The following H1-2 variants were observed in gnomAD, a reference collection of about 807,000 sequenced individuals.
The protein encoded by H1-2 is H1.2 linker histone, cluster member.
A neutral mutation model predicts 7.2 loss-of-function variants in H1-2; 7 were observed. That is an observed-to-expected ratio of 0.97 (90% CI 0.55 to 1.82). The LOEUF (loss-of-function observed/expected upper bound fraction) is 1.82, where lower values mean the gene tolerates loss of function less well. Ranked by LOEUF, H1-2 falls within the 40% of genes most tolerant of loss-of-function variation. The probability of loss-of-function intolerance (pLI) is 0.00; values close to 1 mark genes in which losing one functional copy is unlikely to be tolerated. For synonymous variants in H1-2, 300 were observed against 118.2 expected (o/e 2.54, Z -9.98); for missense variants, 703 against 276.6 (o/e 2.54, Z -10.94).
Position 26,056,424 on chromosome 6 carries a change from G to C in H1-2, c.5C>G (p.Ser2Cys), listed in dbSNP as rs778314704. ...AGCGGGAGCGGCAGGAGCAGTCTCGGACATGTTGAGAATCAAAAACTCGGG... is the reference window on the plus strand; with the variant it reads ...AGCGGGAGCGGCAGGAGCAGTCTCGCACATGTTGAGAATCAAAAACTCGGG... M[S>C]ETAPAAPAAA... Residue 2 changes from serine (S) to cysteine (C), a missense_variant, in exon 1 of 1, where the codon TCC (serine) becomes TGC (cysteine). Coordinates refer to ENST00000343677, the MANE Select transcript of H1-2 (RefSeq NM_005319.4). The C allele has an allele frequency of 3.8e-6, 6 of 1,571,320 alleles. No homozygotes were observed. Among genetic ancestry groups the C allele is most frequent in the Non-Finnish European group, 5.2e-6 (6 of 1,163,182 alleles).
rs545878823 is a variant in H1-2, at chr6:26,055,929, G to A, written c.500C>T (p.Thr167Ile). 7.4e-6 allele frequency: 12 copies of A among 1,614,134 alleles called. No individual in the cohort carries two copies. Among genetic ancestry groups the A allele is most frequent in the East Asian group, 2.2e-5 (1 of 44,872 alleles). ...KAKKPAAATV[T>I]KKVAKSPKKA... Reference sequence around the variant, plus strand: ...CTTTGGGCTCTTAGCCACTTTCTTGGTTACAGTGGCCGCGGCCGGCTTCTT... The same window carrying A: ...CTTTGGGCTCTTAGCCACTTTCTTGATTACAGTGGCCGCGGCCGGCTTCTT... The change falls in exon 1 of 1, where the codon ACC becomes ATC. Residue 167 changes from threonine (T) to isoleucine (I), a missense_variant. Physicochemically the swap from Thr to Ile is moderately conservative, Grantham distance 89. Coordinates refer to ENST00000343677, the MANE Select transcript of H1-2 (RefSeq NM_005319.4).
chr6:26,055,937 G>A lies in H1-2; in HGVS notation c.492C>T (p.Ala164=), dbSNP rs1581645151. ...TCTTAGCCACTTTCTTGGTTACAGTGGCCGCGGCCGGCTTCTTCGCTTTCT... is the reference window on the plus strand; with the variant it reads ...TCTTAGCCACTTTCTTGGTTACAGTAGCCGCGGCCGGCTTCTTCGCTTTCT... The part of the protein sequence containing the change: ...TPKKAKKPAA[A]TVTKKVAKSP... The change falls in exon 1 of 1, where the codon GCC becomes GCT. Residue 164 remains alanine, a synonymous_variant. Coordinates refer to ENST00000343677, the MANE Select transcript of H1-2 (RefSeq NM_005319.4). 3 of 1,614,114 alleles carry A rather than the reference G, an allele frequency of 1.9e-6. No individual in the cohort carries two copies. Among genetic ancestry groups the A allele is most frequent in the Non-Finnish European group, 2.5e-6 (3 of 1,180,018 alleles).
Position 26,055,926 on chromosome 6 carries a change from T to C in H1-2, c.503A>G (p.Lys168Arg), listed in dbSNP as rs1462256953. 3 of 1,614,188 alleles carry C rather than the reference T, an allele frequency of 1.9e-6. No individual in the cohort carries two copies. Among genetic ancestry groups the C allele is most frequent in the East Asian group, 2.2e-5 (1 of 44,878 alleles). The change falls in exon 1 of 1, where the codon AAG (lysine) becomes AGG (arginine). Residue 168 changes from lysine to arginine, a missense_variant. By Grantham distance (26) the Lys-to-Arg change is conservative (BLOSUM62 2). Coordinates refer to ENST00000343677, the MANE Select transcript of H1-2 (RefSeq NM_005319.4). ...AKKPAAATVTKKVAKSPKKAK... is the reference protein window; with the variant it reads ...AKKPAAATVTRKVAKSPKKAK... ...CTTCTTTGGGCTCTTAGCCACTTTC[T>C]TGGTTACAGTGGCCGCGGCCGGCTT...
rs201295771 is a variant in H1-2, at chr6:26,056,121, C to A, written c.308G>T (p.Gly103Val). The A allele has an allele frequency of 6.2e-7, 1 of 1,614,218 alleles. No individual in the cohort carries two copies. The highest frequency in any genetic ancestry group is 1.1e-5 in the South Asian group (1 of 91,076). Reference protein sequence around the residue: ...LVQTKGTGASGSFKLNKKAAS... With the variant: ...LVQTKGTGASVSFKLNKKAAS... Reference sequence around the variant, plus strand: ...TGCCTTCTTGTTGAGTTTAAAGGAGCCAGAAGCACCGGTGCCTTTCGTTTG... The same window carrying A: ...TGCCTTCTTGTTGAGTTTAAAGGAGACAGAAGCACCGGTGCCTTTCGTTTG... The change falls in exon 1 of 1, where the codon GGC becomes GTC. Residue 103 changes from glycine (G) to valine (V), a missense_variant. Coordinates refer to ENST00000343677, the MANE Select transcript of H1-2 (RefSeq NM_005319.4).
chr6:26,056,422 CGGACATGTTGAGAATCAA>C lies in H1-2; in HGVS notation c.-12_6del. The C allele has an allele frequency of 2.5e-6, 4 of 1,581,530 alleles. No homozygotes were observed. The highest frequency in any genetic ancestry group is 3.4e-6 in the Non-Finnish European group (4 of 1,167,262). ...GCAGCGGGAGCGGCAGGAGCAGTCT[CGGACATGTTGAGAATCAA>C]AAACTCGGGTACAAGTGGCAAAGCG... On this transcript the variant is annotated start_lost and 5_prime_UTR_variant, in exon 1 of 1. Transcript: ENST00000343677.
In H1-2 at chr6:26,056,129, A is replaced by AC; in HGVS notation, c.299dup (p.Ala101CysfsTer6). The AC allele has an allele frequency of 1.2e-6, 2 of 1,614,236 alleles. No individual in the cohort carries two copies. The highest frequency in any genetic ancestry group is 8.5e-7 in the Non-Finnish European group (1 of 1,180,044). ...TGTTGAGTTTAAAGGAGCCAGAAGC[A>AC]CCGGTGCCTTTCGTTTGCACCAGAG... On this transcript the variant is annotated frameshift_variant, in exon 1 of 1. Transcript: ENST00000343677. LOFTEE classifies it high-confidence loss of function.
In H1-2 at chr6:26,056,341, C is replaced by T. The variant is rs770105981; in HGVS notation, c.88G>A (p.Gly30Ser). 8.1e-6 allele frequency: 13 copies of T among 1,613,792 alleles called. No homozygotes were observed. The highest frequency in any genetic ancestry group is 1.0e-5 in the Non-Finnish European group (12 of 1,179,838). Reference sequence around the variant, plus strand: ...GGACCAGACGCCTTACGAGGCGTACCCCCAGCCTTTTTGGCCGCCTTCTTC... The same window carrying T: ...GGACCAGACGCCTTACGAGGCGTACTCCCAGCCTTTTTGGCCGCCTTCTTC... ...VKKKAAKKAG[G>S]TPRKASGPPV... is the part of the protein sequence containing the mutation. The change falls in exon 1 of 1, where the codon GGT (glycine) becomes AGT (serine). Residue 30 changes from glycine (G) to serine (S), a missense_variant. Physicochemically the swap from Gly to Ser is moderately conservative, Grantham distance 56 (BLOSUM62 0). Transcript: ENST00000343677.
In H1-2 at chr6:26,056,005, C is replaced by G. The variant is rs774761285; in HGVS notation, c.424G>C (p.Ala142Pro). The G allele has an allele frequency of 1.8e-5, 29 of 1,613,946 alleles. No individual in the cohort carries two copies. The highest frequency in any genetic ancestry group is 1.3e-4 in the East Asian group (6 of 44,894). The change falls in exon 1 of 1, where the codon GCT (alanine) becomes CCT (proline). Residue 142 changes from alanine to proline, a missense_variant. By Grantham distance (27) the Ala-to-Pro change is conservative. Transcript: ENST00000343677. ...CTCTTCTTCGGAGTTGCGCCGCCAG[C>G]CGCCTTCTTGGGCTTCTTGGCTGCC... ...VGAAKKPKKA[A>P]GGATPKKSAK...
rs756377093 is a variant in H1-2 at position 26,056,154 on chromosome 6, G to A, written c.275C>T (p.Thr92Ile). 1 of 1,614,240 alleles carries A rather than the reference G, an allele frequency of 6.2e-7. No individual in the cohort carries two copies. The highest frequency in any genetic ancestry group is 8.5e-7 in the Non-Finnish European group (1 of 1,180,042). Reference sequence around the variant, plus strand: ...ACCGGTGCCTTTCGTTTGCACCAGAGTGCCCTTGCTCACCAGGCTCTTGAG... The same window carrying A: ...ACCGGTGCCTTTCGTTTGCACCAGAATGCCCTTGCTCACCAGGCTCTTGAG... Reference protein sequence around the residue: ...LGLKSLVSKGTLVQTKGTGAS... With the variant: ...LGLKSLVSKGILVQTKGTGAS... The change falls in exon 1 of 1, where the codon ACT becomes ATT. Residue 92 changes from threonine (T) to isoleucine (I), a missense_variant. Thr to Ile is a moderately conservative substitution (Grantham distance 89). Transcript: ENST00000343677.
Position 26,056,200 on chromosome 6 carries a change from T to TA in H1-2, c.228_229insT (p.Asn77Ter). 1 of 1,614,226 alleles carries TA rather than the reference T, an allele frequency of 6.2e-7. No homozygotes were observed. ...TTGAGACCAAGTTTGATACGGCTGT[T>TA]GTTTTTCTCCACATCATAGCCGGCG... On this transcript the variant is annotated frameshift_variant, in exon 1 of 1. Coordinates refer to ENST00000343677, the MANE Select transcript of H1-2 (RefSeq NM_005319.4). LOFTEE classifies it high-confidence loss of function.
Position 26,055,944 on chromosome 6 carries a change from G to A in H1-2, c.485C>T (p.Ala162Val), listed in dbSNP as rs772814824. ...CACTTTCTTGGTTACAGTGGCCGCG[G>A]CCGGCTTCTTCGCTTTCTTCGGTGT... Reference protein sequence around the residue: ...KKTPKKAKKPAAATVTKKVAK... With the variant: ...KKTPKKAKKPVAATVTKKVAK... Residue 162 changes from alanine (A) to valine (V), a missense_variant, in exon 1 of 1, where the codon GCC becomes GTC. Ala to Val is a moderately conservative substitution (Grantham distance 64). Coordinates refer to ENST00000343677, the MANE Select transcript of H1-2 (RefSeq NM_005319.4). The A allele has an allele frequency of 1.8e-5, 29 of 1,614,012 alleles. No homozygotes were observed. The highest frequency in any genetic ancestry group is 6.7e-5 in the Admixed American group (4 of 60,002).
rs1340330911 is a variant in H1-2, at chr6:26,055,802, C to T, written c.627G>A (p.Ala209=). ...KPKVVKPKKA[A]PKKK is the part of the protein sequence containing the mutation. ...AGGCGTTCGCCTATTTCTTCTTGGG[C>T]GCCGCCTTCTTAGGCTTGACAACCT... Residue 209 remains alanine, a synonymous_variant, in exon 1 of 1, where the codon GCG becomes GCA. Transcript: ENST00000343677. 1 of 1,593,214 alleles carries T rather than the reference C, an allele frequency of 6.3e-7. No homozygotes were observed. Among genetic ancestry groups the T allele is most frequent in the Non-Finnish European group, 8.5e-7 (1 of 1,174,512 alleles).
rs780590605 is a variant in H1-2 at position 26,056,315 on chromosome 6, G to A, written c.114C>T (p.Pro38=). ...CCTTGGTGATGAGCTCTGACACCGG[G>A]GGACCAGACGCCTTACGAGGCGTAC... ...AGGTPRKASG[P]PVSELITKAV... is the part of the protein sequence containing the mutation. The change falls in exon 1 of 1, where the codon CCC becomes CCT. Residue 38 remains proline (P), a synonymous_variant. Transcript: ENST00000343677. The A allele has an allele frequency of 3.4e-5, 55 of 1,613,966 alleles. No homozygotes were observed. The highest frequency in any genetic ancestry group is 1.6e-4 in the Middle Eastern group (1 of 6,082).
In H1-2 at chr6:26,056,396, G is replaced by T; in HGVS notation, c.33C>A (p.Ala11=). Residue 11 remains alanine, a synonymous_variant, in exon 1 of 1, where the codon GCC becomes GCA. Transcript: ENST00000343677. MSETAPAAPA[A]APPAEKAPVK... is the part of the protein sequence containing the mutation. ...CAGGGGCCTTCTCCGCAGGAGGCGC[G>T]GCAGCGGGAGCGGCAGGAGCAGTCT... The T allele has an allele frequency of 1.2e-6, 2 of 1,600,830 alleles. No individual in the cohort carries two copies. The highest frequency in any genetic ancestry group is 1.1e-5 in the South Asian group (1 of 89,882).
Position 26,056,356 on chromosome 6 carries a change from C to G in H1-2, c.73G>C (p.Ala25Pro), listed in dbSNP as rs770343058. The change falls in exon 1 of 1, where the codon GCC (alanine) becomes CCC (proline). Residue 25 changes from alanine to proline, a missense_variant. Physicochemically the swap from Ala to Pro is conservative, Grantham distance 27 (BLOSUM62 -1). Transcript: ENST00000343677. ...AEKAPVKKKAAKKAGGTPRKA... is the reference protein window; with the variant it reads ...AEKAPVKKKAPKKAGGTPRKA... ...CGAGGCGTACCCCCAGCCTTTTTGGCCGCCTTCTTCTTTACAGGGGCCTTC... is the reference window on the plus strand; with the variant it reads ...CGAGGCGTACCCCCAGCCTTTTTGGGCGCCTTCTTCTTTACAGGGGCCTTC... The G allele has an allele frequency of 1.2e-5, 19 of 1,613,214 alleles. No individual in the cohort carries two copies. Among genetic ancestry groups the G allele is most frequent in the East Asian group, 2.2e-5 (1 of 44,884 alleles).
chr6:26,056,392 G>A lies in H1-2; in HGVS notation c.37C>T (p.Pro13Ser), dbSNP rs141292978. The change falls in exon 1 of 1, where the codon CCT (proline) becomes TCT (serine). Residue 13 changes from proline (P) to serine (S), a missense_variant. Pro to Ser is a moderately conservative substitution (Grantham distance 74). Transcript: ENST00000343677. Reference protein sequence around the residue: ...ETAPAAPAAAPPAEKAPVKKK... With the variant: ...ETAPAAPAAASPAEKAPVKKK... ...TTTACAGGGGCCTTCTCCGCAGGAG[G>A]CGCGGCAGCGGGAGCGGCAGGAGCA... The A allele has an allele frequency of 2.6e-5, 41 of 1,601,336 alleles. No homozygotes were observed. In the Admixed American group the frequency reaches 4.0e-4, roughly 16 times the overall value.
chr6:26,056,342 C>T lies in H1-2; in HGVS notation c.87G>A (p.Gly29=). 6.2e-7 allele frequency: 1 copy of T among 1,613,824 alleles called. No individual in the cohort carries two copies. Residue 29 remains glycine, a synonymous_variant, in exon 1 of 1, where the codon GGG becomes GGA. Transcript: ENST00000343677. The stretch of plus-strand genomic sequence containing the variant: ...GACCAGACGCCTTACGAGGCGTACC[C>T]CCAGCCTTTTTGGCCGCCTTCTTCT... ...PVKKKAAKKA[G]GTPRKASGPP...
Position 26,055,831 on chromosome 6 carries a change from G to GC in H1-2, c.597dup (p.Pro200AlafsTer7), listed in dbSNP as rs1298089452. The GC allele has an allele frequency of 6.2e-7, 1 of 1,612,268 alleles. No individual in the cohort carries two copies. Among genetic ancestry groups the GC allele is most frequent in the Non-Finnish European group, 8.5e-7 (1 of 1,179,430 alleles). ...GCCTTCTTAGGCTTGACAACCTTGG[G>GC]CTTAGCGGCCTTGGGCTTCACAGCC... On this transcript the variant is annotated frameshift_variant, in exon 1 of 1. Transcript: ENST00000343677. LOFTEE classifies it high-confidence loss of function.
At position 26,055,901 on chromosome 6, in the gene H1-2, C is replaced by A. The variant is rs140766420; in HGVS notation, c.528G>T (p.Lys176Asn). ...VTKKVAKSPK[K>N]AKVAKPKKAA... is the part of the protein sequence containing the mutation. ...CTTTCTTGGGCTTCGCAACCTTGGC[C>A]TTCTTTGGGCTCTTAGCCACTTTCT... Residue 176 changes from lysine (K) to asparagine (N), a missense_variant, in exon 1 of 1, where the codon AAG (lysine) becomes AAT (asparagine). Physicochemically the swap from Lys to Asn is moderately conservative, Grantham distance 94. Coordinates refer to ENST00000343677, the MANE Select transcript of H1-2 (RefSeq NM_005319.4). 406 of 1,614,168 alleles carry A rather than the reference C, an allele frequency of 2.5e-4. 2 individuals carry two copies. The African/African-American group carries it at 3.6e-3, about 14-fold the overall frequency.
Sources: gnomAD v4.1 joint callset for allele counts on GRCh38, gnomAD v4.1.1 for gene constraint, MANE v1.5 for transcripts, NCBI Gene and HGNC (gene_info 2026-07-23, HGNC 2026-07-21) for gene names.